Variants in SH3KBP1 observed in about 807,000 individuals in gnomAD.
SH3KBP1 encodes SH3 domain containing kinase binding protein 1.
A neutral mutation model predicts 50.1 loss-of-function variants in SH3KBP1; 8 were observed. The observed-to-expected ratio is 0.16, with a 90% confidence interval of 0.09 to 0.29. The LOEUF is 0.29. Ranked by LOEUF, SH3KBP1 falls within the 10% of genes least tolerant of loss-of-function variation. SH3KBP1 has a pLI of 1.00. For missense variants in SH3KBP1, 377 were observed against 535.2 expected, an observed-to-expected ratio of 0.70 and a Z score of 2.92; for synonymous variants, 227 against 218.6, an observed-to-expected ratio of 1.04 and a Z score of -0.34.
At chrX:19,807,991 T>C (rs1482941102) in intron 2 of SH3KBP1, among the ~76,000 whole-genome samples, 1 of 111,950 alleles carries the variant, frequency 8.9e-6, no homozygotes, top group African/African-American at 3.3e-5. Context: ...GTTGTTCCTA[T>C]GAACATCAAA....
At chrX:19,843,921 T>C (rs2068294072) in intron 1 of SH3KBP1, among the ~76,000 whole-genome samples, 1 of 111,654 alleles carries the variant, frequency 9.0e-6, no homozygotes, top group Non-Finnish European at 1.9e-5. Context: ...CCAAGGAACC[T>C]GAGCCTCCCA....
At chrX:19,831,278 G>A (rs1047583891) in intron 2 of SH3KBP1, among the ~76,000 whole-genome samples, 4 of 109,559 alleles carry the variant, frequency 3.7e-5, no homozygotes, top group Non-Finnish European at 5.7e-5. Context: ...TTAGCCATGT[G>A]TGGTGGTGTG....
chrX:19,735,724 C>CGGG (rs1175892426), intron 3 of SH3KBP1, among the ~76,000 whole-genome samples: 25 of 8,597 alleles, frequency 2.9e-3, no homozygotes, highest in Non-Finnish European at 4.7e-3. Context: ...TTTTTTTTGG[C>CGGG]GGGGGGGGGG....
At chrX:19,799,848 C>T in intron 2 of SH3KBP1, 1 of 1,023,336 alleles carries the variant, frequency 9.8e-7, no homozygotes, top group Non-Finnish European at 1.3e-6. Context: ...ACTACACACT[C>T]ACACTGGTGG....
At chrX:19,763,216 G>A (rs1218693354) in intron 2 of SH3KBP1, among the ~76,000 whole-genome samples, 1 of 111,650 alleles carries the variant, frequency 9.0e-6, no homozygotes, top group Non-Finnish European at 1.9e-5. Flanking sequence ...CAACAACTTG[G>A]TGCATCCTTA....
At chrX:19,768,695 C>T (rs5955845) in intron 2 of SH3KBP1, among the ~76,000 whole-genome samples, 2,446 of 108,521 alleles carry the variant, frequency 0.023, 60 homozygotes, top group African/African-American at 0.07. Flanking sequence ...TAGATGTTCA[C>T]AATAGGAAGA....
intron 12 of SH3KBP1, among the ~76,000 whole-genome samples, chrX:19,573,893 G>C (rs1292408970): frequency 2.7e-5 from 3 of 111,285 alleles, no homozygotes. Context: ...AACCTCTCTG[G>C]AACTTGAGTG....
At chrX:19,814,527 G>C (rs918104515) in intron 2 of SH3KBP1, among the ~76,000 whole-genome samples, 3 of 111,189 alleles carry the variant, frequency 2.7e-5, no homozygotes, top group African/African-American at 9.8e-5. Context: ...TGGTCTCTCT[G>C]TTGTTCCTCC....
At chrX:19,582,690 A>C (rs1021771713) in intron 12 of SH3KBP1, among the ~76,000 whole-genome samples, 1 of 110,435 alleles carries the variant, frequency 9.1e-6, no homozygotes, top group African/African-American at 3.3e-5. Context: ...CCTTCTCCCC[A>C]CATCTCTAAC....
In SH3KBP1 at chrX:19,626,848, C is replaced by T. The variant is rs376596598; in HGVS notation, c.897+5016G>A. On this transcript the variant is annotated intron_variant, in intron 8 of 17. Transcript: ENST00000397821. ...CCACTCAAACTGCTAGGATTAGAGA[C>T]GGGAGCCACTGAGCCCGGCCTGGGT... Among the ~76,000 whole-genome samples, 26 of 110,262 alleles carry T rather than the reference C, an allele frequency of 2.4e-4. 1 individual carries two copies. In the East Asian group the frequency reaches 5.8e-3, roughly 25 times the overall value.
chrX:19,671,294 T>C (rs1372520796), intron 6 of SH3KBP1, among the ~76,000 whole-genome samples: 1 of 111,043 alleles, frequency 9.0e-6, no homozygotes, highest in East Asian at 2.8e-4. Flanking sequence ...TAGAATATAG[T>C]CTGTATATGA....
intron 6 of SH3KBP1, among the ~76,000 whole-genome samples, chrX:19,654,257 A>G (rs2062213878): frequency 9.0e-6 from 1 of 111,722 alleles, no homozygotes; most frequent in African/African-American, 3.3e-5. Flanking sequence ...ATGTTCTAAA[A>G]AACTGGAAAG....
intron 2 of SH3KBP1, among the ~76,000 whole-genome samples, chrX:19,756,718 T>C (rs1258618765): frequency 9.0e-6 from 1 of 111,263 alleles, no homozygotes; most frequent in African/African-American, 3.3e-5. Context: ...CGTTATGCCA[T>C]TGCTTAAATT....
chrX:19,656,266 A>C (rs115871714), intron 6 of SH3KBP1, among the ~76,000 whole-genome samples: 1 of 111,879 alleles, frequency 8.9e-6, no homozygotes, highest in Admixed American at 9.5e-5. Context: ...GCATGGCCCA[A>C]TCAAATTTGT....
intron 16 of SH3KBP1, among the ~76,000 whole-genome samples, chrX:19,538,563 T>TTTTA (rs200891455): frequency 0.22 from 23,187 of 105,671 alleles, 2,277 homozygotes; most frequent in African/African-American, 0.28. Flanking sequence ...ATTTCCTTTA[T>TTTTA]TTTATTTATT....
chrX:19,844,786 A>G (rs2068317926), intron 1 of SH3KBP1, among the ~76,000 whole-genome samples: 1 of 112,502 alleles, frequency 8.9e-6, no homozygotes, highest in Non-Finnish European at 1.9e-5. Flanking sequence ...TCTTTTAAGA[A>G]TATGCATTAG....
intron 2 of SH3KBP1, among the ~76,000 whole-genome samples, chrX:19,754,154 G>A (rs1278044959): frequency 3.6e-5 from 4 of 111,995 alleles, no homozygotes; most frequent in African/African-American, 1.3e-4. Flanking sequence ...ACACGAATAA[G>A]AAAATAACAA....
rs534431997 is a variant in SH3KBP1 at position 19,692,624 on chromosome X, C to CGTGTGTGT, written c.520+2980_520+2987dup. Among the ~76,000 whole-genome samples, 56 of 68,684 alleles carry CGTGTGTGT rather than the reference C, an allele frequency of 8.2e-4. 3 individuals are homozygous for CGTGTGTGT. Among genetic ancestry groups the CGTGTGTGT allele is most frequent in the East Asian group, 3.7e-3 (8 of 2,160 alleles). 59.6% of individuals were successfully genotyped at this position (68,684 alleles called of 115,157 possible). A position where few individuals can be genotyped will look rare whatever the true frequency, so the allele number is the denominator to read the frequency against. ...ATATACATATACACATATATACATACGTGTGTGTGTGTGTGTGTGTGTGTG... is the reference window on the plus strand; with the variant it reads ...ATATACATATACACATATATACATACGTGTGTGTGTGTGTGTGTGTGTGTGTGTGTGTG... On this transcript the variant is annotated intron_variant, in intron 5 of 17. Coordinates refer to ENST00000397821, the MANE Select transcript of SH3KBP1 (RefSeq NM_031892.3).
chrX:19,827,506 C>G (rs914816682), intron 2 of SH3KBP1, among the ~76,000 whole-genome samples: 21 of 111,690 alleles, frequency 1.9e-4, no homozygotes, highest in Non-Finnish European at 1.3e-4. Flanking sequence ...TCAGCCCGAG[C>G]TATAGTTTCA....
Sources: allele counts gnomAD v4.1 joint callset (sites outside exome capture counted in the v4.1 genomes callset), GRCh38; gene constraint gnomAD v4.1.1; transcripts MANE v1.5; gene names NCBI Gene and HGNC (gene_info 2026-07-23, HGNC 2026-07-21).